The following ANKS1B variants were observed in gnomAD, a reference collection of about 807,000 sequenced individuals.
The protein encoded by ANKS1B is ankyrin repeat and sterile alpha motif domain containing 1B, also known as ankyrin repeat and sterile alpha motif domain-containing protein 1B.
A neutral mutation model predicts 148.3 loss-of-function variants in ANKS1B; 36 were observed. The observed-to-expected ratio is 0.24, with a 90% CI of 0.19 to 0.32. The LOEUF is 0.32. Ranked by LOEUF, ANKS1B falls within the 10% of genes least tolerant of loss-of-function variation. ANKS1B has a pLI of 1.00. For synonymous variants in ANKS1B, 542 were observed against 560.8 expected (o/e 0.97, Z 0.47); for missense variants, 1,157 against 1,542.6 (o/e 0.75, Z 4.19).
chr12:99,232,776 A>T (rs887861849), intron 14 of ANKS1B, among the ~76,000 whole-genome samples: 4 of 152,206 alleles, frequency 2.6e-5, no homozygotes, highest in African/African-American at 9.6e-5. Flanking sequence ...ATCCTCAGTG[A>T]TCAAAAGATA....
chr12:99,476,021 G>C, intron 10 of ANKS1B, among the ~76,000 whole-genome samples: 1 of 152,068 alleles, frequency 6.6e-6, no homozygotes, highest in East Asian at 1.9e-4. Flanking sequence ...CATTAGTATA[G>C]CCTGGGATAA....
chr12:99,159,316 T>A (rs952654018), intron 14 of ANKS1B, among the ~76,000 whole-genome samples: 1 of 152,176 alleles, frequency 6.6e-6, no homozygotes, highest in Non-Finnish European at 1.5e-5. Flanking sequence ...GCATGAATGA[T>A]CCCGTCACCA....
At chr12:99,187,602 A>C (rs962838286) in intron 14 of ANKS1B, among the ~76,000 whole-genome samples, 1 of 152,228 alleles carries the variant, frequency 6.6e-6, no homozygotes, top group Non-Finnish European at 1.5e-5. Flanking sequence ...TGAGCTTTAA[A>C]AGTGAAGGAG....
chr12:98,813,830 C>T (rs375114032), intron 19 of ANKS1B, among the ~76,000 whole-genome samples: 2 of 152,184 alleles, frequency 1.3e-5, no homozygotes, highest in East Asian at 3.9e-4. Context: ...GCTGGGATTA[C>T]AGGCATGAGC....
intron 12 of ANKS1B, among the ~76,000 whole-genome samples, chr12:99,320,771 G>T (rs1008105477): frequency 6.6e-6 from 1 of 152,172 alleles, no homozygotes; most frequent in African/African-American, 2.4e-5. Flanking sequence ...GAGGAGAAGA[G>T]GTGCTCTGAT....
intron 12 of ANKS1B, among the ~76,000 whole-genome samples, chr12:99,358,537 T>A (rs1247419772): frequency 6.6e-6 from 1 of 152,100 alleles, no homozygotes; most frequent in East Asian, 1.9e-4. Context: ...TACATTTTCA[T>A]ATTTAGTAGG....
intron 1 of ANKS1B, among the ~76,000 whole-genome samples, chr12:99,946,738 C>T (rs1004829439): frequency 2.0e-5 from 3 of 152,080 alleles, no homozygotes; most frequent in Non-Finnish European, 4.4e-5. Context: ...CAAAGCCAAG[C>T]CTTAAAGAGC....
intron 11 of ANKS1B, among the ~76,000 whole-genome samples, chr12:99,434,172 G>A (rs1331812718): frequency 1.3e-5 from 2 of 152,054 alleles, no homozygotes; most frequent in African/African-American, 2.4e-5. Flanking sequence ...TGAACTTAGA[G>A]GAAGATGTAA....
intron 1 of ANKS1B, among the ~76,000 whole-genome samples, chr12:99,906,055 C>T (rs759093429): frequency 6.6e-6 from 1 of 152,088 alleles, no homozygotes; most frequent in African/African-American, 2.4e-5. Flanking sequence ...TCTAAACCAG[C>T]GGTTTCAAAC....
intron 9 of ANKS1B, among the ~76,000 whole-genome samples, chr12:99,609,356 C>G (rs1336581701): frequency 6.6e-6 from 1 of 151,790 alleles, no homozygotes; most frequent in Non-Finnish European, 1.5e-5. Context: ...GAACCAAAAC[C>G]AGTAAGTCTT....
intron 1 of ANKS1B, among the ~76,000 whole-genome samples, chr12:99,910,974 A>G (rs972446416): frequency 1.3e-5 from 2 of 152,198 alleles, no homozygotes; most frequent in Admixed American, 1.3e-4. Context: ...AAAAATACGT[A>G]ATCTTATTAA....
intron 8 of ANKS1B, among the ~76,000 whole-genome samples, chr12:99,680,047 A>T (rs1237713310): frequency 1.3e-5 from 2 of 152,220 alleles, no homozygotes; most frequent in Non-Finnish European, 2.9e-5. Flanking sequence ...GCCTCCAAAC[A>T]CACATCCTCC....
intron 4 of ANKS1B, among the ~76,000 whole-genome samples, chr12:99,797,644 C>T (rs1473003227): frequency 2.0e-5 from 3 of 151,650 alleles, no homozygotes; most frequent in Admixed American, 6.6e-5. Context: ...GCACTCATAA[C>T]ATCTCAGCAC....
chr12:99,814,136 C>T (rs10860526), intron 2 of ANKS1B, among the ~76,000 whole-genome samples: 90,458 of 151,332 alleles, frequency 0.6, 27,225 homozygotes, highest in South Asian at 0.67. Context: ...AGGTGTGTGA[C>T]AGGCTATATC....
At chr12:99,864,239 A>G (rs1227299060) in intron 1 of ANKS1B, among the ~76,000 whole-genome samples, 1 of 152,006 alleles carries the variant, frequency 6.6e-6, no homozygotes, top group Non-Finnish European at 1.5e-5. Flanking sequence ...CATTATATCC[A>G]CTGCTATTAA....
intron 12 of ANKS1B, among the ~76,000 whole-genome samples, chr12:99,269,525 A>G (rs1327499044): frequency 1.3e-5 from 2 of 150,714 alleles, no homozygotes; most frequent in Non-Finnish European, 3.0e-5. Flanking sequence ...TTTTGGTCAC[A>G]CGTTTTCATG....
chr12:99,154,456 G>A (rs748476362), intron 14 of ANKS1B, 61 bp from the exon 15 acceptor site: 5 of 1,613,054 alleles, frequency 3.1e-6, no homozygotes, highest in Admixed American at 1.7e-5. Context: ...GGGTAATAGC[G>A]GTAGTCCTGG....
intron 12 of ANKS1B, among the ~76,000 whole-genome samples, chr12:99,301,465 A>T (rs55712073): frequency 0.3 from 46,227 of 152,054 alleles, 9,568 homozygotes; most frequent in African/African-American, 0.6. Context: ...GAACAGATAT[A>T]ATGTATTATA....
intron 12 of ANKS1B, among the ~76,000 whole-genome samples, chr12:99,356,381 A>T (rs1361710253): frequency 6.6e-6 from 1 of 152,092 alleles, no homozygotes; most frequent in Non-Finnish European, 1.5e-5. Context: ...AAATTGTCCA[A>T]AGTGGGTGCT....
Sources: gnomAD v4.1 joint callset for allele counts (sites outside exome capture counted in the v4.1 genomes callset) on GRCh38, gnomAD v4.1.1 for gene constraint, MANE v1.5 for transcripts, NCBI Gene and HGNC (gene_info 2026-07-23, HGNC 2026-07-21) for gene names.